Variants in PRKX observed in about 807,000 individuals in gnomAD.
The protein encoded by PRKX is protein kinase cAMP-dependent X-linked catalytic subunit.
In PRKX, 12 loss-of-function variants were observed where a neutral mutation model predicts 22.0. That is an observed-to-expected ratio of 0.54 (90% confidence interval 0.35 to 0.88). The LOEUF is 0.88. Among genes scored for constraint, PRKX ranks in the 40% least tolerant of loss-of-function variants. PRKX has a pLI of 0.01. For missense variants in PRKX, 217 were observed against 308.0 expected, an observed-to-expected ratio of 0.70 and a Z score of 2.21; for synonymous variants, 134 against 137.7, an observed-to-expected ratio of 0.97 and a Z score of 0.19.
intron 1 of PRKX, among the ~76,000 whole-genome samples, chrX:3,700,367 C>G (rs1373503135): frequency 3.6e-5 from 4 of 112,010 alleles, no homozygotes; most frequent in East Asian, 2.8e-4. Context: ...TTTGCAAAGA[C>G]TGATGAAATT....
intron 1 of PRKX, among the ~76,000 whole-genome samples, chrX:3,676,348 C>G (rs1174157808): frequency 3.6e-5 from 4 of 111,518 alleles, no homozygotes; most frequent in African/African-American, 1.3e-4. Flanking sequence ...ATCCATTTAC[C>G]TATCCATTCA....
At chrX:3,631,190 C>T (rs1361070144) in intron 4 of PRKX, among the ~76,000 whole-genome samples, 2 of 111,955 alleles carry the variant, frequency 1.8e-5, no homozygotes, top group African/African-American at 6.5e-5. Flanking sequence ...GTGGAGTGGA[C>T]GGAATGAGAG....
chrX:3,671,466 T>C (rs1005318756), intron 2 of PRKX, among the ~76,000 whole-genome samples: 1 of 111,361 alleles, frequency 9.0e-6, no homozygotes, highest in Non-Finnish European at 1.9e-5. Flanking sequence ...CTCCCAAGAA[T>C]AATATCGAAA....
chrX:3,646,907 A>C (rs1031550480), intron 3 of PRKX, among the ~76,000 whole-genome samples: 51 of 110,536 alleles, frequency 4.6e-4, no homozygotes, highest in Non-Finnish European at 8.5e-4. Context: ...CCTGTCACCA[A>C]CCTCGGCACA....
intron 2 of PRKX, among the ~76,000 whole-genome samples, chrX:3,660,170 T>G (rs1490128525): frequency 8.9e-6 from 1 of 112,015 alleles, no homozygotes; most frequent in Non-Finnish European, 1.9e-5. Flanking sequence ...TTCACTGTTC[T>G]GGTGGGGAAA....
intron 4 of PRKX, among the ~76,000 whole-genome samples, chrX:3,627,136 C>T (rs1287958897): frequency 1.8e-5 from 2 of 111,107 alleles, no homozygotes; most frequent in Non-Finnish European, 3.8e-5. Flanking sequence ...AATCCCAGCA[C>T]TTTGGGAGGC....
chrX:3,644,280 T>C (rs1334187142), intron 3 of PRKX, among the ~76,000 whole-genome samples: 3 of 101,251 alleles, frequency 3.0e-5, no homozygotes, highest in Non-Finnish European at 6.0e-5. Flanking sequence ...AGTGCACTTG[T>C]AGTCTCAGCT....
intron 7 of PRKX, among the ~76,000 whole-genome samples, chrX:3,613,876 AAAAAG>A (rs1569229340): frequency 9.8e-6 from 1 of 101,942 alleles, no homozygotes; most frequent in Non-Finnish European, 2.0e-5. Context: ...AAAAAAAAAA[AAAAAG>A]AAGCGTATCA....
chrX:3,692,383 C>T (rs1349118891), intron 1 of PRKX, among the ~76,000 whole-genome samples: 1 of 110,387 alleles, frequency 9.1e-6, no homozygotes, highest in East Asian at 2.9e-4. Flanking sequence ...CAGTTGAGAC[C>T]CCCTGTTTTG....
At chrX:3,654,463 T>TG (rs1409634695) in intron 3 of PRKX, among the ~76,000 whole-genome samples, 765 of 53,576 alleles carry the variant, frequency 0.014, 10 homozygotes, top group African/African-American at 0.041. Flanking sequence ...TTTGGTTTTT[T>TG]TTTTTTTTTT....
chrX:3,610,930 G>T (rs1290257433), intron 8 of PRKX: 2 of 111,637 alleles, frequency 1.8e-5, no homozygotes, highest in Non-Finnish European at 3.8e-5. Flanking sequence ...ACAAAAAGAA[G>T]TAAACACATT....
At chrX:3,660,115 T>C (rs1268928410) in intron 2 of PRKX, among the ~76,000 whole-genome samples, 2 of 112,176 alleles carry the variant, frequency 1.8e-5, no homozygotes, top group Non-Finnish European at 3.8e-5. Context: ...ACAGTCAAAC[T>C]GTACTTTTGT....
Position 3,662,055 on chromosome X carries a change from C to A in PRKX, c.336-6643G>T, listed in dbSNP as rs146604898. On this transcript the variant is annotated intron_variant, in intron 2 of 8. Transcript: ENST00000262848. ...GTTTTGGACAAGGGCCCCTTATGTG[C>A]CAAGTAATGTTCTCGGTACATAGTA... 5.3e-3 allele frequency among the ~76,000 whole-genome samples: 591 copies of A among 111,682 alleles called. 4 individuals are homozygous for A. The highest frequency in any genetic ancestry group is 0.018 in the African/African-American group (564 of 30,756).
chrX:3,690,243 G>C (rs937882211), intron 1 of PRKX, among the ~76,000 whole-genome samples: 10 of 111,703 alleles, frequency 9.0e-5, no homozygotes, highest in Non-Finnish European at 1.9e-4. Flanking sequence ...AAAAACAGTA[G>C]AGCCAATTCA....
rs747003932 is a variant in PRKX at position 3,684,871 on chromosome X, T to C, written c.167-10105A>G. Among the ~76,000 whole-genome samples the C allele has an allele frequency of 1.6e-4, 18 of 111,950 alleles. No individual in the cohort carries two copies. In the Admixed American group the frequency reaches 1.6e-3, roughly 10 times the overall value. Reference sequence around the variant, plus strand: ...CTGCTCTGTGGCCCAGACTGGAGTGTAGTGGCACGATCACAGCTCACTGCA... The same window carrying C: ...CTGCTCTGTGGCCCAGACTGGAGTGCAGTGGCACGATCACAGCTCACTGCA... On this transcript the variant is annotated intron_variant, in intron 1 of 8. Coordinates refer to ENST00000262848, the MANE Select transcript of PRKX (RefSeq NM_005044.5).
At position 3,662,145 on chromosome X, in the gene PRKX, T is replaced by C. The variant is rs1430498284; in HGVS notation, c.336-6733A>G. ...GGCTTGATGTGGAACAGACATTACA[T>C]AGTAAACTTGGAAGGATGGCTGGAG... On this transcript the variant is annotated intron_variant, in intron 2 of 8. Coordinates refer to ENST00000262848, the MANE Select transcript of PRKX (RefSeq NM_005044.5). Among the ~76,000 whole-genome samples the C allele has an allele frequency of 4.5e-5, 5 of 111,401 alleles. No individual in the cohort carries two copies. The East Asian group carries it at 1.1e-3, about 25-fold the overall frequency.
intron 1 of PRKX, among the ~76,000 whole-genome samples, chrX:3,699,095 G>A (rs376960441): frequency 8.4e-4 from 88 of 104,930 alleles, no homozygotes; most frequent in African/African-American, 3.1e-3. Context: ...GGAGTACAGC[G>A]GCACCATCTC....
At position 3,607,997 on chromosome X, in the gene PRKX, T is replaced by C. The variant is rs1187357325; in HGVS notation, c.*972A>G. 9.7e-6 allele frequency: 1 copy of C among 103,453 alleles called. No individual in the cohort carries two copies. Among genetic ancestry groups the C allele is most frequent in the Admixed American group, 1.1e-4 (1 of 9,268 alleles). The allele number at this position is 103,453 out of a possible 1,213,427, so 8.5% of individuals were successfully genotyped here. On this transcript the variant is annotated 3_prime_UTR_variant, in exon 9 of 9. Transcript: ENST00000262848. ...CCCAGGCTCAAGTGATCCTCTCATC[T>C]CAGCCTCCTGAGTAGCTGAGACTAC...
At chrX:3,683,966 T>C (rs1394200283) in intron 1 of PRKX, among the ~76,000 whole-genome samples, 3 of 111,380 alleles carry the variant, frequency 2.7e-5, no homozygotes, top group Admixed American at 9.6e-5. Context: ...AAAAACAAGG[T>C]AGTTGGCCAG....
Sources: gnomAD v4.1 joint callset for allele counts (sites outside exome capture counted in the v4.1 genomes callset) on GRCh38, gnomAD v4.1.1 for gene constraint, MANE v1.5 for transcripts, NCBI Gene and HGNC (gene_info 2026-07-23, HGNC 2026-07-21) for gene names.